Variants in TRMT11 observed in about 807,000 individuals in gnomAD.
TRMT11 encodes the protein tRNA methyltransferase 11, also known as tRNA (guanine(10)-N(2))-methyltransferase TRMT11.
In TRMT11, 53 loss-of-function variants were observed where a neutral mutation model predicts 62.8. The ratio of observed to expected loss-of-function variants is 0.84; its 90% CI spans 0.68 to 1.06. TRMT11 has a LOEUF of 1.06. TRMT11 is among the 50% of genes least tolerant of loss of function. The probability of loss-of-function intolerance (pLI) is 0.00; values close to 1 mark genes in which losing one functional copy is unlikely to be tolerated. For missense variants in TRMT11, 556 were observed against 553.4 expected, an observed-to-expected ratio of 1.00 and a Z score of -0.05; for synonymous variants, 188 against 190.3, an observed-to-expected ratio of 0.99 and a Z score of 0.10.
intron 3 of TRMT11, among the ~76,000 whole-genome samples, chr6:126,200,352 A>G (rs960553914): frequency 5.3e-5 from 8 of 152,196 alleles, no homozygotes; most frequent in African/African-American, 1.4e-4. Context: ...CATTACCATA[A>G]CATTCTCTGG....
chr6:126,023,393 T>G (rs574688731), intron 12 of TRMT11, among the ~76,000 whole-genome samples: 1 of 152,322 alleles, frequency 6.6e-6, no homozygotes, highest in South Asian at 2.1e-4. Context: ...CTCACGCCTG[T>G]AATCCCAGCA....
intron 11 of TRMT11, among the ~76,000 whole-genome samples, chr6:126,020,233 T>C (rs1795623104): frequency 2.0e-5 from 3 of 152,202 alleles, no homozygotes; most frequent in African/African-American, 7.2e-5. Context: ...GTATAATAAA[T>C]GTGTGCAGAC....
At chr6:126,025,794 G>A (rs1772953383) in intron 12 of TRMT11, among the ~76,000 whole-genome samples, 1 of 152,170 alleles carries the variant, frequency 6.6e-6, no homozygotes, top group Admixed American at 6.5e-5. Context: ...TGTATACTGT[G>A]TCTCTTCATT....
downstream of TRMT11, among the ~76,000 whole-genome samples, chr6:126,040,895 T>G (rs1775857348): frequency 1.3e-5 from 2 of 152,090 alleles, no homozygotes; most frequent in African/African-American, 2.4e-5. Context: ...GAGTAGGTGG[T>G]CTTTGTGTTT....
chr6:126,150,728 C>T (rs116553761), intron 21 of TRMT11, among the ~76,000 whole-genome samples: 211 of 152,254 alleles, frequency 1.4e-3, no homozygotes, highest in African/African-American at 4.8e-3. Context: ...GTTTCAGCGG[C>T]CATTAAAAAT....
chr6:126,219,624 G>T, the TRMT11 span, among the ~76,000 whole-genome samples: 1 of 152,198 alleles, frequency 6.6e-6, no homozygotes, highest in Non-Finnish European at 1.5e-5. Context: ...ATTACCTCAT[G>T]TTTTTGTTGC....
At chr6:126,119,159 G>A (rs1777620957) in intron 21 of TRMT11, among the ~76,000 whole-genome samples, 1 of 150,304 alleles carries the variant, frequency 6.7e-6, no homozygotes, top group Non-Finnish European at 1.5e-5. Flanking sequence ...TTAGCACAGC[G>A]ATTAATCACT....
intron 21 of TRMT11, among the ~76,000 whole-genome samples, chr6:126,147,484 A>G (rs1562333630): frequency 6.6e-6 from 1 of 152,208 alleles, no homozygotes; most frequent in Non-Finnish European, 1.5e-5. Context: ...TCCTAGAGAC[A>G]ACATCAAATT....
chr6:126,197,274 C>T (rs541443978), intron 1 of TRMT11, among the ~76,000 whole-genome samples: 18 of 152,228 alleles, frequency 1.2e-4, no homozygotes, highest in Middle Eastern at 3.4e-3. Flanking sequence ...TCTAGCTGGT[C>T]GTCATTTCCT....
rs533631904 is a variant in TRMT11, at chr6:126,188,976, G to A, written n.144-9823G>A. On this transcript the variant is annotated intron_variant and non_coding_transcript_variant, in intron 1 of 3. Transcript: ENST00000444229. ...TAAACATGAAAAGAAAAGGGTAAAA[G>A]CAATGACTATCTCCTAATTGAAAAA... Among the ~76,000 whole-genome samples, 7 of 152,114 alleles carry A rather than the reference G, an allele frequency of 4.6e-5. No homozygotes were observed. The South Asian group carries it at 1.0e-3, about 23-fold the overall frequency.
chr6:126,091,786 A>ATC (rs942087649), intron 17 of TRMT11, among the ~76,000 whole-genome samples: 20 of 152,288 alleles, frequency 1.3e-4, no homozygotes, highest in African/African-American at 4.1e-4. Context: ...TCCAGCAGCT[A>ATC]TCTCTCAGTC....
the TRMT11 span, among the ~76,000 whole-genome samples, chr6:126,240,102 C>A: frequency 2.0e-5 from 3 of 152,100 alleles, no homozygotes; most frequent in Non-Finnish European, 1.5e-5. Context: ...TTCTAGTTAG[C>A]CATTCGTCTA....
At chr6:126,198,732 G>A (rs533223128) in intron 1 of TRMT11, 46 of 152,332 alleles carry the variant, frequency 3.0e-4, no homozygotes, top group African/African-American at 1.1e-3. Flanking sequence ...GGTAGTGAGA[G>A]GGTAAAAATA....
At chr6:126,132,602 A>G (rs1469806833) in intron 21 of TRMT11, among the ~76,000 whole-genome samples, 1 of 152,024 alleles carries the variant, frequency 6.6e-6, no homozygotes, top group East Asian at 1.9e-4. Flanking sequence ...AATAAGATCT[A>G]TTTTAATTTT....
intron 21 of TRMT11, among the ~76,000 whole-genome samples, chr6:126,140,910 T>C (rs1777909589): frequency 6.6e-6 from 1 of 152,080 alleles, no homozygotes; most frequent in South Asian, 2.1e-4. Flanking sequence ...TCAGGAATCA[T>C]AGAATTAAAA....
intron 16 of TRMT11, among the ~76,000 whole-genome samples, chr6:126,045,227 C>T (rs1482512023): frequency 2.0e-5 from 3 of 151,852 alleles, no homozygotes; most frequent in African/African-American, 4.8e-5. Flanking sequence ...GCCCTGCTTA[C>T]TGTACAATAA....
At chr6:125,990,206 A>G (rs1370427890) in intron 1 of TRMT11, among the ~76,000 whole-genome samples, 1 of 152,198 alleles carries the variant, frequency 6.6e-6, no homozygotes, top group East Asian at 1.9e-4. Flanking sequence ...TTTAAAATAT[A>G]TGCCAGATGT....
chr6:126,244,250 AT>A, the TRMT11 span, among the ~76,000 whole-genome samples: 1 of 151,928 alleles, frequency 6.6e-6, no homozygotes. Flanking sequence ...AATCATTAGT[AT>A]TTTTTTATAA....
chr6:126,271,363 C>CAAAAAAAAAAAAAAAAAAAAAAAAAAAA, the TRMT11 span, among the ~76,000 whole-genome samples: 1 of 36,266 alleles, frequency 2.8e-5, no homozygotes, highest in Non-Finnish European at 5.1e-5. Context: ...GACTCCATCT[C>CAAAAAAAAAAAAAAAAAAAAAAAAAAAA]AAAAAAAAAA....
Sources: allele counts gnomAD v4.1 joint callset (sites outside exome capture counted in the v4.1 genomes callset), GRCh38; gene constraint gnomAD v4.1.1; transcripts MANE v1.5; gene names NCBI Gene and HGNC (gene_info 2026-07-23, HGNC 2026-07-21).